Variants in TECTA observed in about 807,000 individuals in gnomAD.
TECTA encodes the protein alpha-tectorin.
In TECTA, 128 loss-of-function variants were observed where a neutral mutation model predicts 216.8. That is an observed-to-expected ratio of 0.59 (90% CI 0.51 to 0.68). The LOEUF is 0.68. Ranked by LOEUF, TECTA falls within the 30% of genes least tolerant of loss-of-function variation. The pLI is 0.00. For synonymous variants in TECTA, 1,089 were observed against 1,117.1 expected, an observed-to-expected ratio of 0.97 and a Z score of 0.50; for missense variants, 2,551 against 2,786.2, an observed-to-expected ratio of 0.92 and a Z score of 1.90.
In TECTA at chr11:121,128,068, C is replaced by G. The variant is rs770866810; in HGVS notation, c.2091C>G (p.Ala697=). The change falls in exon 9 of 24, where the codon GCC becomes GCG. Residue 697 remains alanine (A), a synonymous_variant. Coordinates refer to ENST00000392793, the MANE Select transcript of TECTA (RefSeq NM_005422.4). ...CCTGCGGCAGCGGGGAGGTGTGCGC[C>G]GTGGAGGACGGCTACCAGGGCTGCT... The part of the protein sequence containing the change: ...NKTCGSGEVC[A]VEDGYQGCFP... The G allele has an allele frequency of 5.0e-6, 8 of 1,612,574 alleles. No homozygotes were observed. Among genetic ancestry groups the G allele is most frequent in the South Asian group, 1.1e-5 (1 of 91,066 alleles).
chr11:121,190,557 C>A, intron 23 of TECTA, 149 bp from the exon 24 acceptor site: 1 of 656,218 alleles, frequency 1.5e-6, no homozygotes, highest in Middle Eastern at 2.6e-4. Context: ...ATTAATTCTG[C>A]TACTTTGCTG....
rs1946627145 is a variant in TECTA, at chr11:121,127,746, C to T, written c.1775-6C>T. The T allele has an allele frequency of 1.2e-6, 2 of 1,613,922 alleles. No individual in the cohort carries two copies. Among genetic ancestry groups the T allele is most frequent in the Non-Finnish European group, 1.7e-6 (2 of 1,179,914 alleles). On this transcript the variant is annotated splice_region_variant and splice_polypyrimidine_tract_variant and intron_variant, in intron 8 of 23. Transcript: ENST00000392793. This position sits in a 1 kb window ranked among gnomAD's most constrained non-coding sequence, Gnocchi z 5.0. ...GTTATCGGCTCTCTTCCTTTCCCCGCGTCAGTGTCCACAGTGCAGTGCCCG... is the reference window on the plus strand; with the variant it reads ...GTTATCGGCTCTCTTCCTTTCCCCGTGTCAGTGTCCACAGTGCAGTGCCCG...
intron 20 of TECTA, among the ~76,000 whole-genome samples, chr11:121,185,362 T>C (rs1457329789): frequency 3.5e-5 from 5 of 142,494 alleles, no homozygotes; most frequent in Non-Finnish European, 6.3e-5. Context: ...GCTTAATGAA[T>C]GAGTAGGGAA....
chr11:121,186,448 A>G (rs1947289409), intron 20 of TECTA, among the ~76,000 whole-genome samples: 2 of 152,202 alleles, frequency 1.3e-5, no homozygotes, highest in African/African-American at 2.4e-5. Context: ...CTGCCTCTCT[A>G]TGCCCTTTCC....
Position 121,101,261 on chromosome 11 carries a change from G to A in TECTA, c.-183G>A, listed in dbSNP as rs1462119194. 6.6e-6 allele frequency: 1 copy of A among 152,160 alleles called. No homozygotes were observed. The highest frequency in any genetic ancestry group is 1.5e-5 in the Non-Finnish European group (1 of 68,024). 9.4% of individuals were successfully genotyped at this position (152,160 alleles called of 1,614,324 possible). On this transcript the variant is annotated 5_prime_UTR_variant, in exon 1 of 24. Coordinates refer to ENST00000392793, the MANE Select transcript of TECTA (RefSeq NM_005422.4). ...AGCTCAACACTTACCTGTCTCTAGT[G>A]CAGGACTAACTTAATTTTTGGTTTT...
At chr11:121,128,431 C>A in intron 9 of TECTA, 87 bp downstream of exon 9, 1 of 1,321,192 alleles carries the variant, frequency 7.6e-7, no homozygotes, top group Non-Finnish European at 1.0e-6. Flanking sequence ...TGCCTTTCTG[C>A]CTCTGCCTAT....
At chr11:121,159,300 C>T (rs755159532) in intron 14 of TECTA, among the ~76,000 whole-genome samples, 6 of 152,188 alleles carry the variant, frequency 3.9e-5, no homozygotes, top group Non-Finnish European at 7.3e-5. Flanking sequence ...CACATCAACA[C>T]GACAGCCTTG....
chr11:121,167,634 G>A (rs1947067295), intron 18 of TECTA, among the ~76,000 whole-genome samples: 1 of 152,204 alleles, frequency 6.6e-6, no homozygotes, highest in Admixed American at 6.5e-5. Context: ...GGTGAAACTT[G>A]CACTTGTTCA....
rs777825421 is a variant in TECTA at position 121,165,367 on chromosome 11, AC to A, written c.5373del (p.Tyr1792MetfsTer13). On this transcript the variant is annotated frameshift_variant, in exon 17 of 24. Transcript: ENST00000392793. LOFTEE classifies it high-confidence loss of function. ...GRELCGCIEP[P>X]PYGNNSHDII... ...GGGAGCTGTGTGGCTGCATCGAGCCACCCCCCTATGGAAATAGTGAGTGACA... is the reference window on the plus strand; with the variant it reads ...GGGAGCTGTGTGGCTGCATCGAGCCACCCCCTATGGAAATAGTGAGTGACA... 1 of 1,592,350 alleles carries A rather than the reference AC, an allele frequency of 6.3e-7. No individual in the cohort carries two copies. The highest frequency in any genetic ancestry group is 2.3e-5 in the East Asian group (1 of 44,108).
rs534950749 is a variant in TECTA, at chr11:121,178,000, T to C, written c.5999+9075T>C. ...TCTGAGCCAGGTGTGGGATATAATCTCCTGATGCGCTGTTTTTTAAGCCCG... is the reference window on the plus strand; with the variant it reads ...TCTGAGCCAGGTGTGGGATATAATCCCCTGATGCGCTGTTTTTTAAGCCCG... On this transcript the variant is annotated intron_variant, in intron 20 of 23. Transcript: ENST00000392793. Among the ~76,000 whole-genome samples the C allele has an allele frequency of 1.3e-4, 20 of 152,312 alleles. 1 individual carries two copies. In the South Asian group the frequency reaches 3.3e-3, roughly 25 times the overall value.
At chr11:121,161,816 A>G (rs945413107) in intron 15 of TECTA, among the ~76,000 whole-genome samples, 3 of 151,890 alleles carry the variant, frequency 2.0e-5, no homozygotes, top group Non-Finnish European at 2.9e-5. Context: ...TCGGCCTTTC[A>G]TGTGGCACTT....
rs1335868600 is a variant in TECTA at position 121,191,029 on chromosome 11, C to T, written c.*223C>T. On this transcript the variant is annotated 3_prime_UTR_variant, in exon 24 of 24. Coordinates refer to ENST00000392793, the MANE Select transcript of TECTA (RefSeq NM_005422.4). ...TACAAGCCAGTTATGGAAAGTATCT[C>T]TCTTGTGTAAAATTCCCAAACAGTT... The T allele has an allele frequency of 6.6e-6, 3 of 455,278 alleles. No homozygotes were observed. Among genetic ancestry groups the T allele is most frequent in the East Asian group, 4.4e-5 (1 of 22,656 alleles). 28.2% of individuals were successfully genotyped at this position (455,278 alleles called of 1,614,324 possible). A position where few individuals can be genotyped will look rare whatever the true frequency, so the allele number is the denominator to read the frequency against.
intron 4 of TECTA, among the ~76,000 whole-genome samples, chr11:121,112,498 A>C (rs959461387): frequency 3.3e-5 from 5 of 152,242 alleles, no homozygotes; most frequent in African/African-American, 1.2e-4. Context: ...CAAATGCTCA[A>C]TTAGAGGAGT....
rs978775235 is a variant in TECTA at position 121,137,270 on chromosome 11, G to GCACAAATGCATGCATA, written c.2942-135_2942-120dup. 3.2e-5 allele frequency: 33 copies of GCACAAATGCATGCATA among 1,045,254 alleles called. No homozygotes were observed. The Admixed American group carries it at 5.6e-4, about 18-fold the overall frequency. The allele number at this position is 1,045,254 out of a possible 1,614,324, so 64.7% of individuals were successfully genotyped here. On this transcript the variant is annotated intron_variant, in intron 10 of 23. Transcript: ENST00000392793. ...CACGCACGTGCACACACACATGCAT[G>GCACAAATGCATGCATA]CACAAATGCATGCATACACAAATGC...
At chr11:121,142,442 A>G (rs958122279) in intron 11 of TECTA, among the ~76,000 whole-genome samples, 2 of 152,136 alleles carry the variant, frequency 1.3e-5, no homozygotes, top group African/African-American at 2.4e-5. Context: ...TCTGAGACAC[A>G]GAGAAGCCGA....
At chr11:121,166,399 T>C (rs1427038565) in intron 17 of TECTA, among the ~76,000 whole-genome samples, 179 bp from the exon 18 acceptor site, 2 of 152,242 alleles carry the variant, frequency 1.3e-5, no homozygotes, top group Non-Finnish European at 2.9e-5. Flanking sequence ...CCCAGGTTAC[T>C]GCTTTGAATG....
rs1947008214 is a variant in TECTA, at chr11:121,162,249, C to T, written c.5151C>T (p.Cys1717=). 1.2e-6 allele frequency: 2 copies of T among 1,614,128 alleles called. No homozygotes were observed. Among genetic ancestry groups the T allele is most frequent in the South Asian group, 2.2e-5 (2 of 91,086 alleles). The change falls in exon 16 of 24, where the codon TGC becomes TGT. Residue 1717 remains cysteine, a synonymous_variant. Coordinates refer to ENST00000392793, the MANE Select transcript of TECTA (RefSeq NM_005422.4). ...ATCCCCTCCCATTCTACGAGTCCTGCTACCTGGACGGCTGCTACAGCCACA... is the reference window on the plus strand; with the variant it reads ...ATCCCCTCCCATTCTACGAGTCCTGTTACCTGGACGGCTGCTACAGCCACA... The part of the protein sequence containing the change: ...LLDPLPFYES[C]YLDGCYSHKK...
intron 7 of TECTA, 137 bp from the exon 8 acceptor site, chr11:121,125,165 C>G: frequency 1.1e-6 from 1 of 881,450 alleles, no homozygotes; most frequent in Admixed American, 2.0e-5. Context: ...CAGAGGGAAG[C>G]CCACTGGAGC....
chr11:121,182,342 G>A (rs1456753210), intron 20 of TECTA, among the ~76,000 whole-genome samples: 1 of 151,374 alleles, frequency 6.6e-6, no homozygotes, highest in African/African-American at 2.4e-5. Context: ...TGGTGGTGGT[G>A]GGCCAGTCCT....
Sources: allele counts gnomAD v4.1 joint callset (sites outside exome capture counted in the v4.1 genomes callset), GRCh38; gene constraint gnomAD v4.1.1; non-coding constraint Gnocchi (gnomAD v3.1); transcripts MANE v1.5; gene names NCBI Gene and HGNC (gene_info 2026-07-23, HGNC 2026-07-21).